FBXL17: variants seen among roughly 807,000 people sequenced by gnomAD.
The protein encoded by FBXL17 is F-box/LRR-repeat protein 17.
A neutral mutation model predicts 66.2 loss-of-function variants in FBXL17; 22 were observed. That is an observed-to-expected ratio of 0.33 (90% CI 0.24 to 0.47). The LOEUF (loss-of-function observed/expected upper bound fraction) is 0.47. FBXL17 is among the 20% of genes least tolerant of loss of function. The pLI is 1.00. For missense variants in FBXL17, 878 were observed against 948.2 expected, an observed-to-expected ratio of 0.93 and a Z score of 0.97; for synonymous variants, 474 against 400.5, an observed-to-expected ratio of 1.18 and a Z score of -2.19.
intron 5 of FBXL17, among the ~76,000 whole-genome samples, chr5:108,212,598 G>A (rs1038343504): frequency 6.6e-6 from 1 of 152,134 alleles, no homozygotes; most frequent in Non-Finnish European, 1.5e-5. Context: ...GGAGTCTGCT[G>A]GTGGTCCACC....
intron 5 of FBXL17, among the ~76,000 whole-genome samples, chr5:108,189,841 C>T (rs187008614): frequency 2.6e-5 from 4 of 152,274 alleles, no homozygotes; most frequent in Admixed American, 2.0e-4. Context: ...TGGGGATTGG[C>T]CACTGGCTGA....
At chr5:108,213,660 G>T (rs1453860302) in intron 5 of FBXL17, among the ~76,000 whole-genome samples, 4 of 152,180 alleles carry the variant, frequency 2.6e-5, no homozygotes, top group African/African-American at 4.8e-5. Context: ...GGGTACCTCA[G>T]TTGGAAATGC....
chr5:107,961,718 T>C (rs150269337), intron 7 of FBXL17, among the ~76,000 whole-genome samples: 1 of 152,250 alleles, frequency 6.6e-6, no homozygotes, highest in Non-Finnish European at 1.5e-5. Context: ...CTGATAAATA[T>C]TTTATTTGTT....
intron 7 of FBXL17, among the ~76,000 whole-genome samples, chr5:107,952,520 G>A (rs768960341): frequency 5.9e-5 from 9 of 152,132 alleles, no homozygotes; most frequent in East Asian, 1.9e-4. Context: ...TTAGGTCTTC[G>A]TGGAACTGTT....
chr5:108,252,827 G>A (rs1756413908), intron 4 of FBXL17, among the ~76,000 whole-genome samples: 1 of 152,156 alleles, frequency 6.6e-6, no homozygotes, highest in South Asian at 2.1e-4. Context: ...AAAAGGTACT[G>A]CTGCCATTCC....
chr5:107,979,325 G>T (rs1357920321), intron 7 of FBXL17, among the ~76,000 whole-genome samples: 2 of 152,110 alleles, frequency 1.3e-5, no homozygotes, highest in Non-Finnish European at 1.5e-5. Context: ...TCAAATTATT[G>T]AGTCAAGCTA....
At chr5:108,285,301 A>AT (rs1757854984) in intron 4 of FBXL17, among the ~76,000 whole-genome samples, 1 of 151,886 alleles carries the variant, frequency 6.6e-6, no homozygotes, top group Non-Finnish European at 1.5e-5. Context: ...TTTAATGTTT[A>AT]TATTTTGGCC....
intron 7 of FBXL17, among the ~76,000 whole-genome samples, chr5:107,963,042 T>C (rs1407025816): frequency 6.6e-6 from 1 of 152,184 alleles, no homozygotes; most frequent in African/African-American, 2.4e-5. Context: ...AAAAAACACT[T>C]AAAATATTTG....
In FBXL17 at chr5:108,009,296, T is replaced by TAGATAGATAGATAGATAGATAG. The variant is rs1442694841; in HGVS notation, c.1822+11628_1822+11629insCTATCTATCTATCTATCTATCT. ...ATATATATATATATATATATATATA[T>TAGATAGATAGATAGATAGATAG]ATATACATATATACATACACATATA... On this transcript the variant is annotated intron_variant, in intron 7 of 8. Transcript: ENST00000542267. Among the ~76,000 whole-genome samples, 24 of 32,426 alleles carry TAGATAGATAGATAGATAGATAG rather than the reference T, an allele frequency of 7.4e-4. 3 individuals are homozygous for TAGATAGATAGATAGATAGATAG. Among genetic ancestry groups the TAGATAGATAGATAGATAGATAG allele is most frequent in the Middle Eastern group, 0.031 (2 of 64 alleles). 21.3% of individuals were successfully genotyped at this position (32,426 alleles called of 152,430 possible). A position where few individuals can be genotyped will look rare whatever the true frequency, so the allele number is the denominator to read the frequency against.
At chr5:108,089,600 T>C (rs1749112990) in intron 6 of FBXL17, among the ~76,000 whole-genome samples, 3 of 152,064 alleles carry the variant, frequency 2.0e-5, no homozygotes, top group Admixed American at 6.6e-5. Flanking sequence ...CCTAGGAAAA[T>C]TCTGTATTTG....
intron 7 of FBXL17, among the ~76,000 whole-genome samples, chr5:107,966,915 G>A (rs918157772): frequency 6.6e-6 from 1 of 151,780 alleles, no homozygotes; most frequent in Non-Finnish European, 1.5e-5. Context: ...CCTTGTTTTG[G>A]GTAATTTTTC....
At chr5:107,874,566 A>G (rs112019292) in intron 8 of FBXL17, among the ~76,000 whole-genome samples, 167 of 152,348 alleles carry the variant, frequency 1.1e-3, no homozygotes, top group African/African-American at 3.9e-3. Context: ...TGATGGAGGT[A>G]GAATTTGAAA....
In FBXL17 at chr5:108,320,063, T is replaced by C. The variant is rs552726637; in HGVS notation, c.1506+28336A>G. 1.3e-4 allele frequency among the ~76,000 whole-genome samples: 20 copies of C among 151,902 alleles called. No homozygotes were observed. In the South Asian group the frequency reaches 4.1e-3, roughly 31 times the overall value. The stretch of plus-strand genomic sequence containing the variant: ...ATGATGAGGTCCTCCTTTAGAACAT[T>C]TAGCATTACAAACTTCTCTCTCCTT... On this transcript the variant is annotated intron_variant, in intron 4 of 8. Transcript: ENST00000542267.
intron 7 of FBXL17, among the ~76,000 whole-genome samples, chr5:107,909,771 A>G (rs1398247235): frequency 1.3e-5 from 2 of 152,176 alleles, no homozygotes; most frequent in Non-Finnish European, 2.9e-5. Context: ...AGGGCTGAGC[A>G]CAAAGATTGA....
intron 7 of FBXL17, among the ~76,000 whole-genome samples, chr5:107,952,111 T>TA (rs11322719): frequency 1.3e-5 from 2 of 151,570 alleles, no homozygotes; most frequent in Non-Finnish European, 2.9e-5. Context: ...ACACAAGCAT[T>TA]AAAAAAAAAA....
At chr5:107,959,891 A>G (rs1429024880) in intron 7 of FBXL17, among the ~76,000 whole-genome samples, 3 of 152,200 alleles carry the variant, frequency 2.0e-5, no homozygotes, top group African/African-American at 7.2e-5. Context: ...AGGTTTATTC[A>G]GCACTTTGTA....
intron 5 of FBXL17, among the ~76,000 whole-genome samples, chr5:108,211,306 G>A (rs1281767722): frequency 6.6e-6 from 1 of 152,030 alleles, no homozygotes; most frequent in Non-Finnish European, 1.5e-5. Flanking sequence ...CTTTTAATTG[G>A]GGCATTTAGC....
chr5:108,099,347 C>T (rs1749513164), intron 6 of FBXL17, among the ~76,000 whole-genome samples: 1 of 152,006 alleles, frequency 6.6e-6, no homozygotes, highest in Admixed American at 6.6e-5. Context: ...ATTAAACTAA[C>T]CAAAGACAGA....
At chr5:107,874,580 T>C (rs1158699914) in intron 8 of FBXL17, among the ~76,000 whole-genome samples, 1 of 152,202 alleles carries the variant, frequency 6.6e-6, no homozygotes, top group Non-Finnish European at 1.5e-5. Flanking sequence ...TTTGAAAACC[T>C]AGCAACTTGA....
Sources: allele counts gnomAD v4.1 joint callset (sites outside exome capture counted in the v4.1 genomes callset), GRCh38; gene constraint gnomAD v4.1.1; transcripts MANE v1.5; gene names NCBI Gene and HGNC (gene_info 2026-07-23, HGNC 2026-07-21).